COL4A4: variants seen among roughly 807,000 people sequenced by gnomAD.
COL4A4 encodes collagen type IV alpha 4 chain, also known as collagen alpha-4(IV) chain.
A neutral mutation model predicts 192.9 loss-of-function variants in COL4A4; 105 were observed. The ratio of observed to expected loss-of-function variants is 0.54; its 90% CI spans 0.46 to 0.64. COL4A4 has a LOEUF of 0.64. Ranked by LOEUF, COL4A4 falls within the 30% of genes least tolerant of loss-of-function variation. The probability of loss-of-function intolerance (pLI) is 0.00; values close to 1 mark genes in which losing one functional copy is unlikely to be tolerated. For synonymous variants in COL4A4, 762 were observed against 769.9 expected, an observed-to-expected ratio of 0.99 and a Z score of 0.17; for missense variants, 1,967 against 2,169.3, an observed-to-expected ratio of 0.91 and a Z score of 1.85.
downstream of COL4A4, chr2:226,997,802 C>G (rs942910058): frequency 3.3e-5 from 5 of 152,070 alleles, no homozygotes; most frequent in Non-Finnish European, 7.4e-5. Flanking sequence ...TAAATGTAAA[C>G]CAATTACTTT....
chr2:227,066,927 G>A (rs2058377663), intron 25 of COL4A4, among the ~76,000 whole-genome samples: 1 of 149,810 alleles, frequency 6.7e-6, no homozygotes, highest in Non-Finnish European at 1.5e-5. Context: ...CTGGCAAATT[G>A]GATAAAGAGT....
intron 42 of COL4A4, among the ~76,000 whole-genome samples, chr2:227,027,277 G>A (rs1443476135): frequency 6.6e-5 from 10 of 150,588 alleles, no homozygotes; most frequent in Admixed American, 6.6e-4. Context: ...AAAAAAAAAT[G>A]TGTATATAAA....
intron 38 of COL4A4, 83 bp from the exon 39 acceptor site, chr2:227,032,359 T>A: frequency 6.6e-7 from 1 of 1,512,070 alleles, no homozygotes; most frequent in Non-Finnish European, 9.0e-7. Flanking sequence ...CACTTCCCAA[T>A]AGCGGCAGAG....
At chr2:227,092,817 C>T (rs1157475657) in intron 20 of COL4A4, among the ~76,000 whole-genome samples, 1 of 152,018 alleles carries the variant, frequency 6.6e-6, no homozygotes, top group Non-Finnish European at 1.5e-5. Context: ...AGAAAATGTG[C>T]ACATGTCGGG....
chr2:227,080,547 G>A lies in COL4A4; in HGVS notation c.1699C>T (p.His567Tyr). Residue 567 changes from histidine (H) to tyrosine (Y), a missense_variant and splice_region_variant, in exon 24 of 48, where the codon CAC becomes TAC. Coordinates refer to ENST00000396625, the MANE Select transcript of COL4A4 (RefSeq NM_000092.5). ...GDMVVSRVKG[H>Y]KGERGPDGPP... ...CCATCAGGACCTCTTTCTCCTTTGT[G>A]CCCTGGAAATAGAGGTCAAAAGATA... 1.2e-6 allele frequency: 2 copies of A among 1,613,396 alleles called. No homozygotes were observed. Among genetic ancestry groups the A allele is most frequent in the Non-Finnish European group, 1.7e-6 (2 of 1,179,464 alleles).
rs1218744447 is a variant in COL4A4, at chr2:227,078,145, A to T, written c.1804-68T>A. ...TCCATGAACTCAAAGCAGTCATTGT[A>T]GGTTACAGAAACACACGCAAAAGTC... On this transcript the variant is annotated intron_variant, in intron 24 of 47. Coordinates refer to ENST00000396625, the MANE Select transcript of COL4A4 (RefSeq NM_000092.5). 1.9e-6 allele frequency: 3 copies of T among 1,540,768 alleles called. No individual in the cohort carries two copies. In the African/African-American group the frequency reaches 4.1e-5, roughly 21 times the overall value.
chr2:226,981,458 T>C, the COL4A4 span, among the ~76,000 whole-genome samples: 978 of 149,558 alleles, frequency 6.5e-3, 8 homozygotes, highest in Non-Finnish European at 0.011. Context: ...AAGATGTTAG[T>C]TTTCAGTCAC....
chr2:227,058,270 G>T (rs1222673402), intron 28 of COL4A4, among the ~76,000 whole-genome samples: 1 of 151,992 alleles, frequency 6.6e-6, no homozygotes, highest in Non-Finnish European at 1.5e-5. Context: ...GAGTGTGTGT[G>T]TATGTGTGTG....
At chr2:227,002,413 G>T (rs1961217683), downstream of COL4A4, among the ~76,000 whole-genome samples, 1 of 152,168 alleles carries the variant, frequency 6.6e-6, no homozygotes, top group African/African-American at 2.4e-5. Flanking sequence ...CTCAACTAAT[G>T]AGACAGCTGA....
At chr2:227,027,865 G>A (rs756511053) in intron 42 of COL4A4, 37 bp downstream of exon 42, 2 of 1,383,682 alleles carry the variant, frequency 1.4e-6, no homozygotes, top group Non-Finnish European at 1.0e-6. Context: ...TTTAGTAAAT[G>A]TTTAAACAAA....
In COL4A4 at chr2:227,127,402, G is replaced by A. The variant is rs1027979483; in HGVS notation, c.193-6254C>T. Among the ~76,000 whole-genome samples, 12 of 152,242 alleles carry A rather than the reference G, an allele frequency of 7.9e-5. No homozygotes were observed. In the East Asian group the frequency reaches 2.1e-3, roughly 27 times the overall value. On this transcript the variant is annotated intron_variant, in intron 4 of 47. Coordinates refer to ENST00000396625, the MANE Select transcript of COL4A4 (RefSeq NM_000092.5). ...CCCTAGAGCAGCAGTAGGCTCTCGG[G>A]CCAGCTGTACAAATAAAGGATGAAG...
At position 227,059,540 on chromosome 2, in the gene COL4A4, G is replaced by A; in HGVS notation, c.2248C>T (p.Pro750Ser). Residue 750 changes from proline to serine, a missense_variant, in exon 28 of 48, where the codon CCA (proline) becomes TCA (serine). Coordinates refer to ENST00000396625, the MANE Select transcript of COL4A4 (RefSeq NM_000092.5). ...PVGPPGPPGS[P>S]GVNGQKGIPG... ...ATTCCTTTCTGACCATTCACTCCTG[G>A]TGAGCCGGGAGGGCCTGGGGGCCCA... 1 of 1,614,068 alleles carries A rather than the reference G, an allele frequency of 6.2e-7. No individual in the cohort carries two copies. Among genetic ancestry groups the A allele is most frequent in the South Asian group, 1.1e-5 (1 of 91,072 alleles).
chr2:227,049,464 G>C (rs1296700800), intron 34 of COL4A4, among the ~76,000 whole-genome samples: 2 of 152,308 alleles, frequency 1.3e-5, no homozygotes, highest in East Asian at 1.9e-4. Context: ...GAATAGTTGT[G>C]ACTGAGACCA....
chr2:227,080,254 C>A (rs2059250730), intron 24 of COL4A4, among the ~76,000 whole-genome samples, 189 bp downstream of exon 24: 2 of 152,162 alleles, frequency 1.3e-5, no homozygotes, highest in African/African-American at 4.8e-5. Flanking sequence ...GGATTTTAGA[C>A]CATGTCCAAT....
chr2:227,015,837 C>A (rs1174357948), intron 44 of COL4A4, among the ~76,000 whole-genome samples: 2 of 152,074 alleles, frequency 1.3e-5, no homozygotes, highest in South Asian at 4.1e-4. Flanking sequence ...AGTTTGCCAA[C>A]AAGTATGCCT....
At chr2:226,976,616 A>C in the COL4A4 span, among the ~76,000 whole-genome samples, 1 of 152,142 alleles carries the variant, frequency 6.6e-6, no homozygotes, top group South Asian at 2.1e-4. Context: ...TAGAACACTT[A>C]GAGGAAGAGA....
chr2:227,009,113 A>G (rs1351043420), intron 46 of COL4A4, among the ~76,000 whole-genome samples: 1 of 152,226 alleles, frequency 6.6e-6, no homozygotes, highest in Non-Finnish European at 1.5e-5. Context: ...CCTGTGCTCA[A>G]AGAAACTAGC....
intron 25 of COL4A4, among the ~76,000 whole-genome samples, chr2:227,077,545 T>C (rs1293469743): frequency 1.3e-5 from 2 of 151,950 alleles, no homozygotes; most frequent in Non-Finnish European, 2.9e-5. Flanking sequence ...CCTTAATGCA[T>C]GTGGGGCTTA....
chr2:227,016,541 CA>C (rs1444890096), intron 44 of COL4A4, among the ~76,000 whole-genome samples: 1 of 152,188 alleles, frequency 6.6e-6, no homozygotes, highest in African/African-American at 2.4e-5. Flanking sequence ...GTGGTCGCAG[CA>C]AAGATCATCT....
Sources: gnomAD v4.1 joint callset for allele counts (sites outside exome capture counted in the v4.1 genomes callset) on GRCh38, gnomAD v4.1.1 for gene constraint, MANE v1.5 for transcripts, NCBI Gene and HGNC (gene_info 2026-07-23, HGNC 2026-07-21) for gene names.